The following GPC5 variants were observed in gnomAD, a reference collection of about 807,000 sequenced individuals.
GPC5 encodes the protein glypican-5.
GPC5 carries 47 observed loss-of-function variants against 53.9 expected under a neutral mutation model. The ratio of observed to expected loss-of-function variants is 0.87; its 90% CI spans 0.69 to 1.11. GPC5 has a LOEUF of 1.11. Ranked by LOEUF, GPC5 falls within the 50% of genes most tolerant of loss-of-function variation. The pLI is 0.00. For missense variants in GPC5, 748 were observed against 713.1 expected, an observed-to-expected ratio of 1.05 and a Z score of -0.56; for synonymous variants, 286 against 263.3, an observed-to-expected ratio of 1.09 and a Z score of -0.84.
At chr13:92,244,822 G>A (rs940486889) in intron 7 of GPC5, among the ~76,000 whole-genome samples, 4 of 151,960 alleles carry the variant, frequency 2.6e-5, no homozygotes, top group East Asian at 1.9e-4. Flanking sequence ...GGTGGATCAC[G>A]AGGTCAAAGG....
In GPC5 at chr13:92,194,889, A is replaced by G. The variant is rs576301341; in HGVS notation, c.1561+49900A>G. ...TTTTAGGGTCATGATTGAATGGCTA[A>G]CAGCACAAATTCAAAGACTTCTTTT... On this transcript the variant is annotated intron_variant, in intron 7 of 7. Coordinates refer to ENST00000377067, the MANE Select transcript of GPC5 (RefSeq NM_004466.6). 9.8e-5 allele frequency among the ~76,000 whole-genome samples: 15 copies of G among 152,348 alleles called. 1 individual carries two copies. In the South Asian group the frequency reaches 2.9e-3, roughly 29 times the overall value.
In GPC5 at chr13:91,479,700, C is replaced by T. The variant is rs78401774; in HGVS notation, c.325+30778C>T. 6.8e-4 allele frequency among the ~76,000 whole-genome samples: 103 copies of T among 152,106 alleles called. 1 individual carries two copies. In the East Asian group the frequency reaches 0.015, roughly 23 times the overall value. Reference sequence around the variant, plus strand: ...TGCAAGTTCTAGGGATTAATAGGAGCTGTGTATAACAAAGACATTGAATTA... The same window carrying T: ...TGCAAGTTCTAGGGATTAATAGGAGTTGTGTATAACAAAGACATTGAATTA... On this transcript the variant is annotated intron_variant, in intron 2 of 7. Coordinates refer to ENST00000377067, the MANE Select transcript of GPC5 (RefSeq NM_004466.6).
At chr13:92,028,840 C>T (rs2040820082) in intron 6 of GPC5, among the ~76,000 whole-genome samples, 1 of 152,068 alleles carries the variant, frequency 6.6e-6, no homozygotes, top group South Asian at 2.1e-4. Context: ...AGTTGAAAGG[C>T]TGTATCCTGA....
chr13:91,554,465 G>T (rs1317367497), intron 2 of GPC5, among the ~76,000 whole-genome samples: 1 of 151,912 alleles, frequency 6.6e-6, no homozygotes, highest in East Asian at 1.9e-4. Context: ...TTGCTGAAGG[G>T]GCAAAGTTTC....
chr13:91,552,746 T>C (rs2030719518), intron 2 of GPC5, among the ~76,000 whole-genome samples: 1 of 152,090 alleles, frequency 6.6e-6, no homozygotes, highest in South Asian at 2.1e-4. Flanking sequence ...CCTCATTCCC[T>C]TAAACCCACA....
chr13:92,400,317 G>A (rs74760961), intron 7 of GPC5, among the ~76,000 whole-genome samples: 1,725 of 152,214 alleles, frequency 0.011, 33 homozygotes, highest in African/African-American at 0.039. Flanking sequence ...TTAGAATAAC[G>A]TAAAAACAGT....
chr13:92,396,247 A>G (rs58321575), intron 7 of GPC5, among the ~76,000 whole-genome samples: 10,651 of 152,082 alleles, frequency 0.07, 399 homozygotes, highest in Admixed American at 0.098. Flanking sequence ...CCTCATTTAC[A>G]TTCAATCTGC....
rs1324711504 is a variant in GPC5 at position 92,144,842 on chromosome 13, A to G, written c.1414A>G (p.Arg472Gly). The change falls in exon 7 of 8, where the codon AGA (arginine) becomes GGA (glycine). Residue 472 changes from arginine to glycine, a missense_variant. Physicochemically the swap from Arg to Gly is moderately radical, Grantham distance 125 (BLOSUM62 -2). Transcript: ENST00000377067. ...TATGTACAATTAGTTGTTACAGGGT[A>G]GATCACCCAAACCTGACAAGTGGGA... ...LKHVVQLLQG[R>G]SPKPDKWELL... 1 of 1,611,224 alleles carries G rather than the reference A, an allele frequency of 6.2e-7. No homozygotes were observed. The highest frequency in any genetic ancestry group is 8.5e-7 in the Non-Finnish European group (1 of 1,178,582).
chr13:91,830,876 TC>T (rs2038646777), intron 5 of GPC5, among the ~76,000 whole-genome samples: 1 of 134,568 alleles, frequency 7.4e-6, no homozygotes, highest in Non-Finnish European at 1.5e-5. Flanking sequence ...ATAATATATA[TC>T]CTATTATATA....
At chr13:92,064,659 A>T (rs1027717291) in intron 6 of GPC5, among the ~76,000 whole-genome samples, 3 of 151,458 alleles carry the variant, frequency 2.0e-5, no homozygotes, top group African/African-American at 7.3e-5. Context: ...CAGGAGGCTG[A>T]GGCAGGAGAA....
chr13:92,308,123 A>C, intron 7 of GPC5, among the ~76,000 whole-genome samples: 1 of 152,188 alleles, frequency 6.6e-6, no homozygotes. Flanking sequence ...AGAAAAAATA[A>C]CTTTGTTCAA....
At position 92,353,482 on chromosome 13, in the gene GPC5, A is replaced by G. The variant is rs553883620; in HGVS notation, c.1561+208493A>G. ...ACCTGACTATAAAGAAAGTAAGGAA[A>G]GGACAAGCATGGGAATGGAAAGATT... On this transcript the variant is annotated intron_variant, in intron 7 of 7. Coordinates refer to ENST00000377067, the MANE Select transcript of GPC5 (RefSeq NM_004466.6). Among the ~76,000 whole-genome samples, 522 of 152,276 alleles carry G rather than the reference A, an allele frequency of 3.4e-3. 5 individuals are homozygous for G. Among genetic ancestry groups the G allele is most frequent in the Non-Finnish European group, 5.4e-3 (370 of 68,016 alleles).
intron 2 of GPC5, among the ~76,000 whole-genome samples, chr13:91,467,514 G>A (rs1416852276): frequency 6.6e-6 from 1 of 151,814 alleles, no homozygotes; most frequent in East Asian, 1.9e-4. Context: ...CCCTTCTTAT[G>A]CTCTCAGTTC....
intron 7 of GPC5, among the ~76,000 whole-genome samples, chr13:92,579,253 CCCTCCCT>C (rs1197448893): frequency 3.9e-4 from 10 of 25,818 alleles, no homozygotes; most frequent in Non-Finnish European, 6.2e-4. Flanking sequence ...CTCCCTCCCT[CCCTCCCT>C]CCCTCCCTCC....
At chr13:92,387,216 A>G (rs1021870670) in intron 7 of GPC5, among the ~76,000 whole-genome samples, 2 of 152,098 alleles carry the variant, frequency 1.3e-5, no homozygotes, top group African/African-American at 4.8e-5. Flanking sequence ...TTAGTACAGT[A>G]TTTAATAAGT....
At chr13:92,497,644 TGTCAATGGTAGTTTA>T (rs1422616462) in intron 7 of GPC5, among the ~76,000 whole-genome samples, 2 of 152,162 alleles carry the variant, frequency 1.3e-5, no homozygotes, top group East Asian at 3.9e-4. Context: ...CTGTGAAGAA[TGTCAATGGTAGTTTA>T]GTGGGAGTAG....
intron 7 of GPC5, among the ~76,000 whole-genome samples, chr13:92,698,177 T>A (rs193234707): frequency 2.0e-3 from 306 of 152,054 alleles, no homozygotes; most frequent in African/African-American, 6.6e-3. Context: ...TCTTTTTTTT[T>A]AATTATACTT....
intron 7 of GPC5, among the ~76,000 whole-genome samples, chr13:92,587,846 T>A (rs1184434537): frequency 6.6e-6 from 1 of 152,006 alleles, no homozygotes; most frequent in Non-Finnish European, 1.5e-5. Flanking sequence ...TGGTTAGGTG[T>A]AATATGCTGG....
intron 6 of GPC5, among the ~76,000 whole-genome samples, chr13:91,972,130 C>T (rs1052613237): frequency 1.3e-5 from 2 of 152,102 alleles, no homozygotes; most frequent in African/African-American, 2.4e-5. Context: ...TAAGGACTTG[C>T]TTTATGAATC....
Sources: gnomAD v4.1 joint callset for allele counts (sites outside exome capture counted in the v4.1 genomes callset) on GRCh38, gnomAD v4.1.1 for gene constraint, MANE v1.5 for transcripts, NCBI Gene and HGNC (gene_info 2026-07-23, HGNC 2026-07-21) for gene names.